RFX6: variants seen among roughly 807,000 people sequenced by gnomAD.
RFX6 encodes the protein DNA-binding protein RFX6.
A neutral mutation model predicts 110.8 loss-of-function variants in RFX6; 50 were observed. The ratio of observed to expected loss-of-function variants is 0.45; its 90% CI spans 0.36 to 0.57. The LOEUF is 0.57. RFX6 is among the 20% of genes least tolerant of loss of function. RFX6 has a pLI of 0.00. For missense variants in RFX6, 990 were observed against 1,127.0 expected (o/e 0.88, Z 1.74); for synonymous variants, 383 against 411.2 (o/e 0.93, Z 0.83).
At chr6:116,926,211 C>G (rs1775727925) in intron 16 of RFX6, among the ~76,000 whole-genome samples, 1 of 152,080 alleles carries the variant, frequency 6.6e-6, no homozygotes, top group Non-Finnish European at 1.5e-5. Context: ...TCTCTTGAAC[C>G]CAGGAGGCGG....
intron 6 of RFX6, among the ~76,000 whole-genome samples, chr6:116,909,206 TG>T (rs2114686789): frequency 6.6e-6 from 1 of 152,220 alleles, no homozygotes; most frequent in Non-Finnish European, 1.5e-5. Context: ...ATTATCATTT[TG>T]GGAGTTTATA....
chr6:116,922,246 G>T, intron 13 of RFX6, 95 bp downstream of exon 13: 1 of 748,094 alleles, frequency 1.3e-6, no homozygotes, highest in South Asian at 1.4e-5. Context: ...AGGGGTGGAA[G>T]GCTGTGTGTG....
intron 6 of RFX6, among the ~76,000 whole-genome samples, chr6:116,896,271 C>T (rs1032287307): frequency 1.3e-5 from 2 of 152,152 alleles, no homozygotes; most frequent in Non-Finnish European, 2.9e-5. Context: ...TTTCTCAAGT[C>T]TACTTTTTCC....
intron 7 of RFX6, 27 bp from the exon 8 acceptor site, chr6:116,915,981 G>T: frequency 1.3e-6 from 2 of 1,505,106 alleles, no homozygotes; most frequent in Non-Finnish European, 1.8e-6. Flanking sequence ...AGGATGCTTT[G>T]GTTAAGCTTT....
intron 17 of RFX6, 87 bp downstream of exon 17, chr6:116,927,626 A>G: frequency 9.4e-7 from 1 of 1,066,090 alleles, no homozygotes; most frequent in Non-Finnish European, 1.4e-6. Flanking sequence ...GCTGACTAGC[A>G]TGTCCTTTCA....
Position 116,895,176 on chromosome 6 carries a change from TA to T in RFX6, c.645-2del. The T allele has an allele frequency of 1.4e-6, 2 of 1,463,426 alleles. No individual in the cohort carries two copies. Among genetic ancestry groups the T allele is most frequent in the Non-Finnish European group, 1.9e-6 (2 of 1,044,664 alleles). 90.7% of individuals were successfully genotyped at this position (1,463,426 alleles called of 1,614,324 possible). ...ACTAATGGAAAATGTACTAATTTTT[TA>T]AGGTTTTCTGGAAGCAAGCTAAAGA... On this transcript the variant is annotated splice_region_variant and splice_polypyrimidine_tract_variant and intron_variant, in intron 5 of 18. Transcript: ENST00000332958.
intron 6 of RFX6, among the ~76,000 whole-genome samples, chr6:116,905,093 C>T (rs1483377574): frequency 6.6e-6 from 1 of 152,106 alleles, no homozygotes; most frequent in Non-Finnish European, 1.5e-5. Context: ...GGGGGAACTA[C>T]CAAACTGTTT....
intron 4 of RFX6, 51 bp from the exon 5 acceptor site, chr6:116,893,936 C>A: frequency 9.6e-7 from 1 of 1,042,940 alleles, no homozygotes; most frequent in Non-Finnish European, 1.5e-6. Context: ...TCTTTTTCCC[C>A]TCCAAAAATC....
intron 2 of RFX6, among the ~76,000 whole-genome samples, chr6:116,879,351 T>C (rs1410462901): frequency 6.6e-6 from 1 of 151,950 alleles, no homozygotes; most frequent in East Asian, 1.9e-4. Context: ...AATTTTTAAA[T>C]AGATAAACTA....
In RFX6 at chr6:116,927,066, C is replaced by T. The variant is rs769530567; in HGVS notation, c.1925C>T (p.Thr642Ile). The T allele has an allele frequency of 9.9e-6, 16 of 1,613,854 alleles. No individual in the cohort carries two copies. Among genetic ancestry groups the T allele is most frequent in the South Asian group, 4.4e-5 (4 of 91,080 alleles). Reference protein sequence around the residue: ...ELSQIAGHLMTPPISPAMASR... With the variant: ...ELSQIAGHLMIPPISPAMASR... Reference sequence around the variant, plus strand: ...TCACAGATTGCTGGTCATCTGATGACACCACCCATTTCTCCAGCCATGGCA... The same window carrying T: ...TCACAGATTGCTGGTCATCTGATGATACCACCCATTTCTCCAGCCATGGCA... The change falls in exon 17 of 19, where the codon ACA (threonine) becomes ATA (isoleucine). Residue 642 changes from threonine (T) to isoleucine (I), a missense_variant. Around this residue, in one of 5 missense-constraint regions of RFX6, gnomAD observed 438 missense variants for 441.9 expected, o/e 0.99. Coordinates refer to ENST00000332958, the MANE Select transcript of RFX6 (RefSeq NM_173560.4).
chr6:116,883,163 C>G (rs1229784790), intron 4 of RFX6, among the ~76,000 whole-genome samples: 1 of 152,148 alleles, frequency 6.6e-6, no homozygotes, highest in African/African-American at 2.4e-5. Context: ...TGTTGCTTCC[C>G]TTACCACTGA....
At chr6:116,919,100 T>A in intron 10 of RFX6, 37 bp from the exon 11 acceptor site, 4 of 1,580,160 alleles carry the variant, frequency 2.5e-6, no homozygotes, top group Non-Finnish European at 3.5e-6. Flanking sequence ...ATGCATTTTT[T>A]AACAATGAAG....
Position 116,928,956 on chromosome 6 carries a change from C to A in RFX6, c.2596C>A (p.Arg866=). ...YTDTSSPVAC[R]TPVLASSLQT... is the part of the protein sequence containing the mutation. ...AGACACATCATCTCCAGTTGCATGTCGAACTCCAGTCCTAGGTAAATTATT... is the reference window on the plus strand; with the variant it reads ...AGACACATCATCTCCAGTTGCATGTAGAACTCCAGTCCTAGGTAAATTATT... The change falls in exon 18 of 19, where the codon CGA becomes AGA. Residue 866 remains arginine, a synonymous_variant. Transcript: ENST00000332958. 1 of 1,604,844 alleles carries A rather than the reference C, an allele frequency of 6.2e-7. No individual in the cohort carries two copies. Among genetic ancestry groups the A allele is most frequent in the Non-Finnish European group, 8.5e-7 (1 of 1,171,566 alleles).
At chr6:116,906,928 G>A (rs1400230947) in intron 6 of RFX6, among the ~76,000 whole-genome samples, 1 of 150,588 alleles carries the variant, frequency 6.6e-6, no homozygotes. Flanking sequence ...AGTGATGAAA[G>A]CAGACTTGCT....
rs1582533712 is a variant in RFX6 at position 116,920,388 on chromosome 6, A to G, written c.1261A>G (p.Ile421Val). Reference sequence around the variant, plus strand: ...TATTGAAAGGGTTGATTTGAACAGCATTGGCTCTCAAGCCCTTCTTACCAT... The same window carrying G: ...TATTGAAAGGGTTGATTTGAACAGCGTTGGCTCTCAAGCCCTTCTTACCAT... ...SDIERVDLNS[I>V]GSQALLTISG... is the part of the protein sequence containing the mutation. The change falls in exon 12 of 19, where the codon ATT becomes GTT. Residue 421 changes from isoleucine to valine, a missense_variant. Coordinates refer to ENST00000332958, the MANE Select transcript of RFX6 (RefSeq NM_173560.4). The G allele has an allele frequency of 1.1e-5, 17 of 1,612,552 alleles. No homozygotes were observed. In the Middle Eastern group the frequency reaches 9.9e-4, roughly 94 times the overall value.
At position 116,882,373 on chromosome 6, in the gene RFX6, C is replaced by T. The variant is rs747102902; in HGVS notation, c.511C>T (p.Arg171Cys). ...TAATCATCTTTCTTTTTAGACAATT[C>T]GCCAGAAGTTTCCCCTCCTAACAAC... ...ACAATFGKTI[R>C]QKFPLLTTRR... is the part of the protein sequence containing the mutation. Residue 171 changes from arginine to cysteine, a missense_variant, in exon 4 of 19, where the codon CGC (arginine) becomes TGC (cysteine). Physicochemically the swap from Arg to Cys is radical, Grantham distance 180. Coordinates refer to ENST00000332958, the MANE Select transcript of RFX6 (RefSeq NM_173560.4). 4 of 1,611,998 alleles carry T rather than the reference C, an allele frequency of 2.5e-6. No individual in the cohort carries two copies. Among genetic ancestry groups the T allele is most frequent in the Admixed American group, 1.7e-5 (1 of 59,930 alleles).
At chr6:116,905,983 C>T (rs558781165) in intron 6 of RFX6, among the ~76,000 whole-genome samples, 1 of 151,982 alleles carries the variant, frequency 6.6e-6, no homozygotes, top group Non-Finnish European at 1.5e-5. Flanking sequence ...ATAGTTTTAG[C>T]TCCTACATTT....
intron 6 of RFX6, among the ~76,000 whole-genome samples, chr6:116,900,984 G>T (rs527371696): frequency 1.3e-5 from 2 of 151,932 alleles, no homozygotes; most frequent in Admixed American, 6.5e-5. Flanking sequence ...AAAGGGATGC[G>T]CATTCAGTAG....
At chr6:116,881,416 G>C (rs1774587957) in intron 3 of RFX6, among the ~76,000 whole-genome samples, 2 of 151,974 alleles carry the variant, frequency 1.3e-5, no homozygotes, top group Admixed American at 1.3e-4. Context: ...AACCTGTAGA[G>C]GGACTCATTG....
Sources: allele counts gnomAD v4.1 joint callset (sites outside exome capture counted in the v4.1 genomes callset), GRCh38; gene constraint gnomAD v4.1.1; regional missense constraint gnomAD v4.1.1; transcripts MANE v1.5; gene names NCBI Gene and HGNC (gene_info 2026-07-23, HGNC 2026-07-21).